DCHS2: variants seen among roughly 807,000 people sequenced by gnomAD.
The protein encoded by DCHS2 is protocadherin-23.
In DCHS2, 142 loss-of-function variants were observed where a neutral mutation model predicts 182.4. The ratio of observed to expected loss-of-function variants is 0.78; its 90% CI spans 0.68 to 0.89. DCHS2 has a LOEUF of 0.89. Among genes scored for constraint, DCHS2 ranks in the 40% least tolerant of loss-of-function variants. DCHS2 has a pLI of 0.00. For missense variants in DCHS2, 4,319 were observed against 4,198.6 expected, an observed-to-expected ratio of 1.03 and a Z score of -0.79; for synonymous variants, 1,740 against 1,663.3, an observed-to-expected ratio of 1.05 and a Z score of -1.12.
At chr4:154,432,357 A>G (rs1733594630) in intron 1 of DCHS2, among the ~76,000 whole-genome samples, 2 of 152,160 alleles carry the variant, frequency 1.3e-5, no homozygotes, top group African/African-American at 2.4e-5. Context: ...TAAAATAAAA[A>G]CTCAGTGGTG....
At chr4:154,307,888 G>A (rs1735512023) in intron 10 of DCHS2, among the ~76,000 whole-genome samples, 1 of 152,034 alleles carries the variant, frequency 6.6e-6, no homozygotes, top group African/African-American at 2.4e-5. Flanking sequence ...GAGGCATTGG[G>A]AAAGAACTCC....
At chr4:154,454,241 A>G (rs1184164233) in intron 1 of DCHS2, among the ~76,000 whole-genome samples, 3 of 152,038 alleles carry the variant, frequency 2.0e-5, no homozygotes, top group African/African-American at 7.2e-5. Context: ...TAAGACAACA[A>G]TCTGCCTATT....
Position 154,359,094 on chromosome 4 carries a change from A to G in DCHS2, c.2476+7116T>C, listed in dbSNP as rs538375538. Reference sequence around the variant, plus strand: ...CTCACATTTTTCATGACACTTGCAAATGGTAATTAACCACCAGTGCAGGGA... The same window carrying G: ...CTCACATTTTTCATGACACTTGCAAGTGGTAATTAACCACCAGTGCAGGGA... On this transcript the variant is annotated intron_variant, in intron 3 of 19. Coordinates refer to ENST00000357232, the MANE Select transcript of DCHS2 (RefSeq NM_001358235.2). Among the ~76,000 whole-genome samples the G allele has an allele frequency of 2.0e-5, 3 of 152,126 alleles. No individual in the cohort carries two copies. In the South Asian group the frequency reaches 6.2e-4, roughly 32 times the overall value.
chr4:154,311,709 C>T (rs1039682925), intron 10 of DCHS2, among the ~76,000 whole-genome samples: 4 of 152,186 alleles, frequency 2.6e-5, no homozygotes, highest in South Asian at 4.1e-4. Flanking sequence ...GTTTCTCAGA[C>T]CATATGGTCA....
chr4:154,363,840 T>C (rs1730232935), intron 3 of DCHS2, among the ~76,000 whole-genome samples: 1 of 152,162 alleles, frequency 6.6e-6, no homozygotes, highest in Non-Finnish European at 1.5e-5. Flanking sequence ...TTTCAGTTGC[T>C]GTCAACCAAC....
intron 1 of DCHS2, among the ~76,000 whole-genome samples, chr4:154,410,887 G>C (rs962349947): frequency 6.6e-6 from 1 of 152,184 alleles, no homozygotes; most frequent in Non-Finnish European, 1.5e-5. Flanking sequence ...GAAGTGTCAA[G>C]TATTGACATA....
At chr4:154,313,215 G>C (rs892889125) in intron 10 of DCHS2, among the ~76,000 whole-genome samples, 15 of 152,132 alleles carry the variant, frequency 9.9e-5, no homozygotes, top group African/African-American at 3.4e-4. Context: ...GGCACTGCAG[G>C]GGGAGCTCTT....
intron 10 of DCHS2, among the ~76,000 whole-genome samples, chr4:154,313,902 A>C (rs1433729534): frequency 2.0e-5 from 3 of 152,210 alleles, no homozygotes; most frequent in African/African-American, 4.8e-5. Context: ...AGAATAATAA[A>C]GTTTCAATTC....
intron 1 of DCHS2, among the ~76,000 whole-genome samples, chr4:154,409,462 T>C (rs1732533581): frequency 6.6e-6 from 1 of 152,210 alleles, no homozygotes; most frequent in African/African-American, 2.4e-5. Context: ...GAATCTCTTC[T>C]TTCCCAGAGA....
intron 14 of DCHS2, 26 bp downstream of exon 14, chr4:154,269,874 G>C (rs746111787): frequency 3.1e-6 from 5 of 1,593,468 alleles, no homozygotes; most frequent in Non-Finnish European, 3.4e-6. Flanking sequence ...AGAAAATAAA[G>C]CTAGTATAGG....
chr4:154,452,115 A>T (rs1466537534), intron 1 of DCHS2, among the ~76,000 whole-genome samples: 1 of 152,238 alleles, frequency 6.6e-6, no homozygotes. Flanking sequence ...CACAAAATCC[A>T]TAATGCCAAT....
At chr4:154,296,777 G>T (rs910080905) in intron 13 of DCHS2, among the ~76,000 whole-genome samples, 1 of 152,106 alleles carries the variant, frequency 6.6e-6, no homozygotes, top group Non-Finnish European at 1.5e-5. Flanking sequence ...ATGACAAGTG[G>T]TGCCTACTCA....
intron 1 of DCHS2, among the ~76,000 whole-genome samples, chr4:154,445,045 C>T (rs1412718675): frequency 6.6e-6 from 1 of 152,210 alleles, no homozygotes; most frequent in African/African-American, 2.4e-5. Context: ...ACAGGCCTTC[C>T]TGACCACCTT....
chr4:154,348,319 C>T (rs1397175180), intron 3 of DCHS2, among the ~76,000 whole-genome samples: 1 of 151,804 alleles, frequency 6.6e-6, no homozygotes, highest in African/African-American at 2.4e-5. Flanking sequence ...AACCCAAAAC[C>T]CTTGAAGACC....
intron 2 of DCHS2, among the ~76,000 whole-genome samples, chr4:154,369,108 T>C (rs984742311): frequency 1.3e-5 from 2 of 152,196 alleles, no homozygotes; most frequent in African/African-American, 4.8e-5. Flanking sequence ...GTTGTCTTCT[T>C]AAACACCCAC....
intron 18 of DCHS2, 77 bp downstream of exon 18, chr4:154,240,460 C>A: frequency 6.6e-7 from 1 of 1,511,334 alleles, no homozygotes; most frequent in Non-Finnish European, 8.9e-7. Flanking sequence ...ATTAGTCTAT[C>A]GGCGATGGAA....
chr4:154,397,231 G>T (rs553084993), intron 1 of DCHS2, among the ~76,000 whole-genome samples: 1 of 152,134 alleles, frequency 6.6e-6, no homozygotes, highest in Non-Finnish European at 1.5e-5. Flanking sequence ...CATTTATCAG[G>T]CTAAACAGAT....
In DCHS2 at chr4:154,305,149, T is replaced by A. The variant is rs1442454925; in HGVS notation, c.5343A>T (p.Val1781=). The A allele has an allele frequency of 6.2e-7, 1 of 1,612,972 alleles. No individual in the cohort carries two copies. Among genetic ancestry groups the A allele is most frequent in the East Asian group, 2.2e-5 (1 of 44,782 alleles). ...LFEINSDTGE[V]VTTTILDREI... ...CTCTGTCAAGTATGGTGGTTGTCAC[T>A]ACCTCTCCAGTGTCAGAATTTATCT... The change falls in exon 11 of 20, where the codon GTA becomes GTT. Residue 1781 remains valine, a synonymous_variant. Transcript: ENST00000357232.
In DCHS2 at chr4:154,489,503, A is replaced by G. The variant is rs961145237; in HGVS notation, c.1853T>C (p.Ile618Thr). The change falls in exon 1 of 20, where the codon ATC becomes ACC. Residue 618 changes from isoleucine (I) to threonine (T), a missense_variant. Ile to Thr is a moderately conservative substitution (Grantham distance 89, BLOSUM62 -1). Coordinates refer to ENST00000357232, the MANE Select transcript of DCHS2 (RefSeq NM_001358235.2). ...CTGGACCTCTCGGTCTAGAGTCCGG[A>G]TAGTGCTGATCGCACCGCTTTCGGA... ...IDSESGAIST[I>T]RTLDREVQEA... The G allele has an allele frequency of 6.4e-7, 1 of 1,551,710 alleles. No homozygotes were observed. Among genetic ancestry groups the G allele is most frequent in the Non-Finnish European group, 8.7e-7 (1 of 1,146,986 alleles).
Sources: allele counts gnomAD v4.1 joint callset (sites outside exome capture counted in the v4.1 genomes callset), GRCh38; gene constraint gnomAD v4.1.1; transcripts MANE v1.5; gene names NCBI Gene and HGNC (gene_info 2026-07-23, HGNC 2026-07-21).